Variants in DNM3 observed in about 807,000 individuals in gnomAD.
The protein encoded by DNM3 is dynamin-3.
Under a neutral mutation model 101.6 loss-of-function variants are expected in DNM3, and 47 were observed. The ratio of observed to expected loss-of-function variants is 0.46; its 90% confidence interval spans 0.37 to 0.59. The LOEUF (loss-of-function observed/expected upper bound fraction) is 0.59. Among genes scored for constraint, DNM3 ranks in the 20% least tolerant of loss-of-function variants. The pLI, the probability that DNM3 is intolerant of heterozygous loss-of-function variation, is 0.00. For synonymous variants in DNM3, 385 were observed against 387.9 expected, an observed-to-expected ratio of 0.99 and a Z score of 0.09; for missense variants, 849 against 1,085.7, an observed-to-expected ratio of 0.78 and a Z score of 3.06.
chr1:172,079,119 T>C (rs576271793), intron 11 of DNM3, among the ~76,000 whole-genome samples: 2 of 152,290 alleles, frequency 1.3e-5, no homozygotes, highest in East Asian at 1.9e-4. Context: ...TCTTGAGGAG[T>C]ATCTTTGTGG....
At chr1:172,200,558 G>A (rs919023824) in intron 14 of DNM3, among the ~76,000 whole-genome samples, 4 of 151,962 alleles carry the variant, frequency 2.6e-5, no homozygotes, top group Non-Finnish European at 5.9e-5. Flanking sequence ...TGTAGATTTG[G>A]CATCTTTACA....
chr1:171,925,466 G>T (rs1432013285), intron 2 of DNM3, among the ~76,000 whole-genome samples: 1 of 151,878 alleles, frequency 6.6e-6, no homozygotes, highest in African/African-American at 2.4e-5. Context: ...TCCTGACCTC[G>T]TGATCTGCCT....
downstream of DNM3, among the ~76,000 whole-genome samples, chr1:172,413,828 T>G (rs772763928): frequency 6.6e-6 from 1 of 152,218 alleles, no homozygotes; most frequent in Non-Finnish European, 1.5e-5. Context: ...CTTTTTCATA[T>G]CTATACATTT....
intron 2 of DNM3, among the ~76,000 whole-genome samples, chr1:171,986,874 TG>T (rs1210359145): frequency 3.3e-5 from 5 of 152,222 alleles, no homozygotes; most frequent in Non-Finnish European, 7.3e-5. Flanking sequence ...CTAATAGTAC[TG>T]TACTAGCTTT....
At chr1:172,356,834 G>A (rs1402118663) in intron 17 of DNM3, among the ~76,000 whole-genome samples, 1 of 151,948 alleles carries the variant, frequency 6.6e-6, no homozygotes, top group African/African-American at 2.4e-5. Flanking sequence ...AAGGATCCTT[G>A]GAGAAATTCC....
intron 15 of DNM3, among the ~76,000 whole-genome samples, chr1:172,259,832 A>T (rs1441584549): frequency 6.6e-6 from 1 of 151,234 alleles, no homozygotes; most frequent in African/African-American, 2.4e-5. Context: ...TTTTTCTCTC[A>T]TAATTTATCT....
chr1:172,197,764 C>A (rs1356931311), intron 14 of DNM3, among the ~76,000 whole-genome samples: 1 of 151,986 alleles, frequency 6.6e-6, no homozygotes, highest in Non-Finnish European at 1.5e-5. Flanking sequence ...GATTTTGTAT[C>A]CTGCAAATTT....
chr1:172,099,246 C>A (rs1418041667), intron 13 of DNM3, among the ~76,000 whole-genome samples: 4 of 152,104 alleles, frequency 2.6e-5, no homozygotes, highest in Non-Finnish European at 5.9e-5. Context: ...TAGCATAATA[C>A]AAATTTAATT....
At chr1:172,076,679 G>T (rs772806109) in intron 11 of DNM3, among the ~76,000 whole-genome samples, 4 of 152,170 alleles carry the variant, frequency 2.6e-5, no homozygotes, top group African/African-American at 7.2e-5. Flanking sequence ...CTTGATCATG[G>T]TGGAGAAGCT....
Position 172,218,310 on chromosome 1 carries a change from A to G in DNM3, c.1660-35263A>G, listed in dbSNP as rs965128309. Among the ~76,000 whole-genome samples the G allele has an allele frequency of 3.3e-5, 5 of 152,078 alleles. No homozygotes were observed. The South Asian group carries it at 1.0e-3, about 32-fold the overall frequency. On this transcript the variant is annotated intron_variant, in intron 14 of 20. Coordinates refer to ENST00000627582, the MANE Select transcript of DNM3 (RefSeq NM_015569.5). The stretch of plus-strand genomic sequence containing the variant: ...AGATTAATAGAAACTAAATAATTGG[A>G]TGGTTTGGGTTTGGATTATGTACAT...
intron 2 of DNM3, among the ~76,000 whole-genome samples, chr1:171,959,111 A>G (rs1432135423): frequency 2.0e-5 from 3 of 152,170 alleles, no homozygotes; most frequent in Non-Finnish European, 2.9e-5. Flanking sequence ...GAGATAATAA[A>G]ATAAAATTAA....
intron 1 of DNM3, among the ~76,000 whole-genome samples, chr1:171,876,404 A>T (rs1385685013): frequency 3.9e-5 from 6 of 152,024 alleles, no homozygotes; most frequent in African/African-American, 1.5e-4. Flanking sequence ...TTTCTCCCCT[A>T]AATCTGGCAT....
chr1:171,864,498 A>G (rs1402398681), intron 1 of DNM3: 1 of 152,418 alleles, frequency 6.6e-6, no homozygotes, highest in East Asian at 1.9e-4. Flanking sequence ...AAGGCTTGCC[A>G]GCCTAGAGGA....
At chr1:172,191,134 G>A (rs1241808773) in intron 14 of DNM3, among the ~76,000 whole-genome samples, 1 of 152,094 alleles carries the variant, frequency 6.6e-6, no homozygotes, top group Non-Finnish European at 1.5e-5. Context: ...TTTTTCTGGG[G>A]TTTTTATGGT....
intron 1 of DNM3, among the ~76,000 whole-genome samples, chr1:171,874,918 G>C (rs2035622175): frequency 6.6e-6 from 1 of 151,850 alleles, no homozygotes; most frequent in African/African-American, 2.4e-5. Context: ...GGAACGTGCA[G>C]TATTTGGTTT....
chr1:172,206,113 T>C (rs1489174853), intron 14 of DNM3, among the ~76,000 whole-genome samples: 1 of 152,178 alleles, frequency 6.6e-6, no homozygotes, highest in Non-Finnish European at 1.5e-5. Context: ...AATATTGGGA[T>C]GCTTTCAAGC....
intron 4 of DNM3, among the ~76,000 whole-genome samples, chr1:171,997,000 C>A (rs1449042185): frequency 1.3e-5 from 2 of 151,932 alleles, no homozygotes; most frequent in Non-Finnish European, 2.9e-5. Flanking sequence ...CTACTGCACT[C>A]CAGCCTAGGT....
At chr1:172,323,847 A>G (rs535432202) in intron 17 of DNM3, among the ~76,000 whole-genome samples, 9 of 152,142 alleles carry the variant, frequency 5.9e-5, no homozygotes, top group Admixed American at 2.0e-4. Context: ...TGGATGGAGG[A>G]GGGTGGGGTC....
chr1:172,181,287 G>A (rs541536022), intron 14 of DNM3, among the ~76,000 whole-genome samples: 1 of 151,728 alleles, frequency 6.6e-6, no homozygotes, highest in East Asian at 1.9e-4. Flanking sequence ...ATAATCAGAT[G>A]AAAACAAGGA....
Sources: gnomAD v4.1 joint callset for allele counts (sites outside exome capture counted in the v4.1 genomes callset) on GRCh38, gnomAD v4.1.1 for gene constraint, MANE v1.5 for transcripts, NCBI Gene and HGNC (gene_info 2026-07-23, HGNC 2026-07-21) for gene names.